The following RASA3 variants were observed in gnomAD, a reference collection of about 807,000 sequenced individuals.
The protein encoded by RASA3 is RAS p21 protein activator 3.
Under a neutral mutation model 110.0 loss-of-function variants are expected in RASA3, and 73 were observed. That is an observed-to-expected ratio of 0.66 (90% CI 0.55 to 0.81). The LOEUF (loss-of-function observed/expected upper bound fraction) is 0.81, where lower values mean the gene tolerates loss of function less well. Ranked by LOEUF, RASA3 falls within the 30% of genes least tolerant of loss-of-function variation. RASA3 has a pLI of 0.00. For synonymous variants in RASA3, 500 were observed against 451.4 expected, an observed-to-expected ratio of 1.11 and a Z score of -1.37; for missense variants, 976 against 1,113.2, an observed-to-expected ratio of 0.88 and a Z score of 1.75.
At chr13:114,030,391 GGAGGCAAGACTCACGCAGAGAGCAAGA>G (rs1566501341) in intron 4 of RASA3, among the ~76,000 whole-genome samples, 1 of 50,258 alleles carries the variant, frequency 2.0e-5, no homozygotes, top group African/African-American at 5.2e-5. Context: ...GACTCACACA[GGAGGCAAGACTCACGCAGAGAGCAAGA>G]CTCACACAGA....
chr13:114,007,470 T>A, intron 18 of RASA3, 63 bp downstream of exon 18: 1 of 882,974 alleles, frequency 1.1e-6, no homozygotes. Flanking sequence ...CCTCCTGCCC[T>A]GCTGGACACC....
intron 13 of RASA3, among the ~76,000 whole-genome samples, chr13:114,015,828 G>A (rs528744424): frequency 1.3e-4 from 20 of 152,256 alleles, no homozygotes; most frequent in African/African-American, 4.1e-4. Context: ...TTGCCCAAGG[G>A]AAGGAGGAGC....
intron 1 of RASA3, among the ~76,000 whole-genome samples, chr13:114,079,066 G>T (rs1392772856): frequency 1.3e-5 from 2 of 152,260 alleles, no homozygotes; most frequent in Non-Finnish European, 2.9e-5. Context: ...GCTCAGCTCA[G>T]CGCCCAGTGA....
chr13:114,024,688 C>A (rs1227931913), intron 7 of RASA3, among the ~76,000 whole-genome samples: 3 of 152,256 alleles, frequency 2.0e-5, no homozygotes, highest in Non-Finnish European at 2.9e-5. Context: ...GGGCCTGCCA[C>A]CCCGTGAGGG....
chr13:114,047,717 G>T (rs1488163057), intron 3 of RASA3, among the ~76,000 whole-genome samples: 1 of 152,254 alleles, frequency 6.6e-6, no homozygotes, highest in African/African-American at 2.4e-5. Context: ...GGAAGGGGGC[G>T]GCCTGGCTCA....
intron 4 of RASA3, among the ~76,000 whole-genome samples, chr13:114,032,322 C>T (rs2054184697): frequency 6.6e-6 from 1 of 152,114 alleles, no homozygotes; most frequent in African/African-American, 2.4e-5. Flanking sequence ...ATTGTTTGGA[C>T]AAAGCTTCTC....
chr13:114,022,081 C>T (rs1315455501), intron 8 of RASA3, among the ~76,000 whole-genome samples: 1 of 152,190 alleles, frequency 6.6e-6, no homozygotes, highest in Non-Finnish European at 1.5e-5. Flanking sequence ...ATGGATTGCT[C>T]ATGATCTAGG....
intron 4 of RASA3, among the ~76,000 whole-genome samples, chr13:114,038,416 A>G (rs553373633): frequency 1.2e-4 from 19 of 152,348 alleles, no homozygotes; most frequent in African/African-American, 4.6e-4. Flanking sequence ...AGCGTCCTTC[A>G]CTTTCCACAG....
At chr13:114,059,676 G>A (rs2079304522) in intron 2 of RASA3, among the ~76,000 whole-genome samples, 1 of 152,268 alleles carries the variant, frequency 6.6e-6, no homozygotes, top group African/African-American at 2.4e-5. Flanking sequence ...CTGGCTTGGA[G>A]GTTTCTTCCT....
chr13:114,132,442 G>C lies in RASA3; in HGVS notation c.48C>G (p.Ile16Met), dbSNP rs1333844042. Residue 16 changes from isoleucine (I) to methionine (M), a missense_variant, in exon 1 of 24, where the codon ATC (isoleucine) becomes ATG (methionine). Coordinates refer to ENST00000334062, the MANE Select transcript of RASA3 (RefSeq NM_007368.4). ...EGLRVFQSVK[I>M]KIGEAKNLPS... ...CTGCCGGCGGACACTCACCGATCTT[G>C]ATCTTCACGCTCTGGAAGACCCGGA... is the stretch of plus-strand genomic sequence containing the variant. 6.5e-7 allele frequency: 1 copy of C among 1,529,596 alleles called. No individual in the cohort carries two copies. Among genetic ancestry groups the C allele is most frequent in the Non-Finnish European group, 8.7e-7 (1 of 1,145,936 alleles). 94.8% of individuals were successfully genotyped at this position (1,529,596 alleles called of 1,614,324 possible). A position where few individuals can be genotyped will look rare whatever the true frequency, so the allele number is the denominator to read the frequency against.
At chr13:113,992,064 G>A (rs951065258) in intron 22 of RASA3, among the ~76,000 whole-genome samples, 1 of 151,640 alleles carries the variant, frequency 6.6e-6, no homozygotes, top group South Asian at 2.1e-4. Context: ...ATTCACACAC[G>A]CTCACACATG....
In RASA3 at chr13:114,014,942, G is replaced by A. The variant is rs1289922969; in HGVS notation, c.1405+267C>T. Among the ~76,000 whole-genome samples the A allele has an allele frequency of 6.6e-6, 1 of 152,074 alleles. No homozygotes were observed. Among genetic ancestry groups the A allele is most frequent in the Non-Finnish European group, 1.5e-5 (1 of 67,992 alleles). On this transcript the variant is annotated intron_variant, in intron 14 of 23. Transcript: ENST00000334062. This position sits in a 1 kb window ranked among gnomAD's most constrained non-coding sequence, Gnocchi z 4.5. ...GGGCTGGGCCCCTCTAGAGACCACT[G>A]CGGTGGTGATCTCCAGGGCTGGGGT...
chr13:114,057,145 A>T lies in RASA3; in HGVS notation c.174-4990T>A. On this transcript the variant is annotated intron_variant, in intron 2 of 23. Transcript: ENST00000334062. The surrounding 1 kb of genome is among the most constrained non-coding windows in gnomAD (Gnocchi z 5.0). ...GTGTTTTGCATGTCTGATGTCGTTT[A>T]TTCTAGTGGTTCCAATTGCCTATTT... 1.1e-5 allele frequency: 10 copies of T among 936,830 alleles called. No homozygotes were observed. Among genetic ancestry groups the T allele is most frequent in the African/African-American group, 1.8e-5 (1 of 56,214 alleles). The allele number at this position is 936,830 out of a possible 1,614,324, so 58.0% of individuals were successfully genotyped here. A position where few individuals can be genotyped will look rare whatever the true frequency, so the allele number is the denominator to read the frequency against.
In RASA3 at chr13:114,114,703, CT is replaced by C. The variant is rs1422822749; in HGVS notation, c.55+17731del. Among the ~76,000 whole-genome samples the C allele has an allele frequency of 1.3e-5, 2 of 152,158 alleles. No individual in the cohort carries two copies. The highest frequency in any genetic ancestry group is 2.9e-5 in the Non-Finnish European group (2 of 67,990). The stretch of plus-strand genomic sequence containing the variant: ...CGCCGACCTTTGTTTATGGGTAACC[CT>C]TGATAACATGTGGGCAGGGTTTCAG... On this transcript the variant is annotated intron_variant, in intron 1 of 23. Transcript: ENST00000334062. The surrounding 1 kb of genome is among the most constrained non-coding windows in gnomAD (Gnocchi z 4.8).
At chr13:114,062,256 T>C (rs1331690242) in intron 2 of RASA3, among the ~76,000 whole-genome samples, 1 of 152,030 alleles carries the variant, frequency 6.6e-6, no homozygotes, top group African/African-American at 2.4e-5. Flanking sequence ...TAGGAAAGAA[T>C]GCTTCCTTTC....
At chr13:114,022,421 C>T (rs774087388) in intron 8 of RASA3, among the ~76,000 whole-genome samples, 4 of 152,088 alleles carry the variant, frequency 2.6e-5, no homozygotes, top group East Asian at 1.9e-4. Flanking sequence ...GCCCTACCCA[C>T]GGGCCTGAAA....
chr13:113,992,467 T>G lies in RASA3; in HGVS notation c.2245+18A>C. ...GCCATCCCCTCGCTGCACAGATCTG[T>G]GTGCCGGGCAGACTCACCCTGCATC... On this transcript the variant is annotated intron_variant, in intron 22 of 23. Coordinates refer to ENST00000334062, the MANE Select transcript of RASA3 (RefSeq NM_007368.4). 6.3e-7 allele frequency: 1 copy of G among 1,599,104 alleles called. No individual in the cohort carries two copies. Among genetic ancestry groups the G allele is most frequent in the Non-Finnish European group, 8.6e-7 (1 of 1,167,612 alleles).
rs920458226 is a variant in RASA3, at chr13:114,009,440, C to T, written c.1615G>A (p.Ala539Thr). ...TCATTGAAGAATTCATAAAATGTAG[C>T]CATGTAGGACTCCTTAAAACTCGCC... ...KSASFKESYM[A>T]TFYEFFNEQK... Residue 539 changes from alanine (A) to threonine (T), a missense_variant, in exon 17 of 24, where the codon GCT becomes ACT. Physicochemically the swap from Ala to Thr is moderately conservative, Grantham distance 58. This residue lies in a region of RASA3 where 732 missense variants were observed against 779.7 expected (regional missense o/e 0.94). Transcript: ENST00000334062. The T allele has an allele frequency of 8.7e-6, 14 of 1,611,768 alleles. No homozygotes were observed. Among genetic ancestry groups the T allele is most frequent in the Admixed American group, 1.7e-5 (1 of 59,990 alleles).
rs1007666961 is a variant in RASA3, at chr13:114,048,139, C to T, written c.277+3913G>A. Among the ~76,000 whole-genome samples, 1 of 152,164 alleles carries T rather than the reference C, an allele frequency of 6.6e-6. No individual in the cohort carries two copies. ...GACCACCTTGGCTAACACGGTGAAA[C>T]CCCGTCTCTACTGAAAATACAAAAA... On this transcript the variant is annotated intron_variant, in intron 3 of 23. Coordinates refer to ENST00000334062, the MANE Select transcript of RASA3 (RefSeq NM_007368.4). This position sits in a 1 kb window ranked among gnomAD's most constrained non-coding sequence, Gnocchi z 4.3.
Sources: allele counts gnomAD v4.1 joint callset (sites outside exome capture counted in the v4.1 genomes callset), GRCh38; gene constraint gnomAD v4.1.1; regional missense constraint gnomAD v4.1.1; non-coding constraint Gnocchi (gnomAD v3.1); transcripts MANE v1.5; gene names NCBI Gene and HGNC (gene_info 2026-07-23, HGNC 2026-07-21).